Variants in ZDHHC2 observed in about 807,000 individuals in gnomAD.
The protein encoded by ZDHHC2 is zDHHC palmitoyltransferase 2.
Under a neutral mutation model 55.6 loss-of-function variants are expected in ZDHHC2, and 51 were observed. The ratio of observed to expected loss-of-function variants is 0.92; its 90% CI spans 0.73 to 1.16. The LOEUF (loss-of-function observed/expected upper bound fraction) is 1.16. ZDHHC2 is among the 50% of genes most tolerant of loss of function. The probability of loss-of-function intolerance (pLI) is 0.00; values close to 1 mark genes in which losing one functional copy is unlikely to be tolerated. For missense variants in ZDHHC2, 491 were observed against 442.4 expected (o/e 1.11, Z -0.99); for synonymous variants, 199 against 152.9 (o/e 1.30, Z -2.22).
At chr8:17,198,901 T>C (rs1345769638) in intron 6 of ZDHHC2, among the ~76,000 whole-genome samples, 1 of 152,214 alleles carries the variant, frequency 6.6e-6, no homozygotes, top group African/African-American at 2.4e-5. Context: ...CACATAGAAT[T>C]CATTAATATT....
At chr8:17,168,047 TACTGA>T (rs2150884598) in intron 1 of ZDHHC2, among the ~76,000 whole-genome samples, 1 of 152,328 alleles carries the variant, frequency 6.6e-6, no homozygotes, top group Non-Finnish European at 1.5e-5. Flanking sequence ...TCTTAGAGTA[TACTGA>T]ATATAATTTA....
rs1267721476 is a variant in ZDHHC2, at chr8:17,221,592, C to T, written c.*1371C>T. 1 of 152,304 alleles carries T rather than the reference C, an allele frequency of 6.6e-6. No homozygotes were observed. The highest frequency in any genetic ancestry group is 2.4e-5 in the African/African-American group (1 of 41,422). 9.4% of individuals were successfully genotyped at this position (152,304 alleles called of 1,614,324 possible). ...AATCTTTGTTAAACCAAACATTCAA[C>T]ACAAAATAAACTAGAAGGCCAGAGG... On this transcript the variant is annotated 3_prime_UTR_variant, in exon 13 of 13. Transcript: ENST00000262096.
At chr8:17,217,042 A>G (rs750562972) in intron 11 of ZDHHC2, 130 bp from the exon 12 acceptor site, 3 of 767,350 alleles carry the variant, frequency 3.9e-6, no homozygotes, top group Non-Finnish European at 6.5e-6. Context: ...ACCATCTTAT[A>G]TATACCCTTA....
intron 12 of ZDHHC2, among the ~76,000 whole-genome samples, 162 bp from the exon 13 acceptor site, chr8:17,220,094 T>G (rs1585751613): frequency 6.6e-6 from 1 of 152,138 alleles, no homozygotes; most frequent in South Asian, 2.1e-4. Flanking sequence ...TTGAGCAGTA[T>G]TGATGTAGAG....
chr8:17,210,143 T>C (rs1289047368), intron 9 of ZDHHC2, 85 bp downstream of exon 9: 1 of 1,422,542 alleles, frequency 7.0e-7, no homozygotes, highest in Non-Finnish European at 9.4e-7. Flanking sequence ...TCTAGTTCCA[T>C]AGGCTTGTAA....
intron 8 of ZDHHC2, among the ~76,000 whole-genome samples, chr8:17,208,823 A>G (rs1173591208): frequency 6.6e-6 from 1 of 152,190 alleles, no homozygotes; most frequent in African/African-American, 2.4e-5. Context: ...TATTGTTTCT[A>G]GAGGTTTTTA....
At chr8:17,178,671 G>C (rs530570157) in intron 1 of ZDHHC2, among the ~76,000 whole-genome samples, 7 of 152,134 alleles carry the variant, frequency 4.6e-5, no homozygotes, top group Admixed American at 3.3e-4. Context: ...ATGATTGCTT[G>C]GTAGTTCAGT....
chr8:17,207,170 A>G (rs1352509639), intron 7 of ZDHHC2, among the ~76,000 whole-genome samples: 7 of 152,212 alleles, frequency 4.6e-5, no homozygotes, highest in African/African-American at 1.7e-4. Flanking sequence ...TCATTTGGTC[A>G]GGGACGACAG....
intron 1 of ZDHHC2, among the ~76,000 whole-genome samples, chr8:17,160,290 A>G (rs1177775999): frequency 6.6e-6 from 1 of 152,028 alleles, no homozygotes; most frequent in Non-Finnish European, 1.5e-5. Context: ...TTCAGTTCCC[A>G]TTTTTCTTAA....
chr8:17,219,666 T>C (rs1448541522), intron 12 of ZDHHC2, among the ~76,000 whole-genome samples: 5 of 152,098 alleles, frequency 3.3e-5, no homozygotes, highest in Admixed American at 6.6e-5. Flanking sequence ...CTCCAGAGGC[T>C]GAGGTGGGAG....
intron 10 of ZDHHC2, 51 bp downstream of exon 10, chr8:17,210,531 A>G (rs1807326683): frequency 1.4e-6 from 2 of 1,477,422 alleles, no homozygotes; most frequent in Non-Finnish European, 1.8e-6. Flanking sequence ...ATTTTACCAT[A>G]TTGTGTCTTT....
intron 1 of ZDHHC2, among the ~76,000 whole-genome samples, chr8:17,159,184 A>C (rs1728585114): frequency 6.6e-6 from 1 of 152,168 alleles, no homozygotes; most frequent in Non-Finnish European, 1.5e-5. Flanking sequence ...TTTCACAGAC[A>C]AAGCAAATGG....
chr8:17,208,582 C>G (rs888992265), intron 8 of ZDHHC2, among the ~76,000 whole-genome samples: 1 of 151,996 alleles, frequency 6.6e-6, no homozygotes, highest in Non-Finnish European at 1.5e-5. Context: ...AAAGGACACT[C>G]CAAGCTGTGA....
At chr8:17,200,304 C>T (rs550285173) in intron 6 of ZDHHC2, among the ~76,000 whole-genome samples, 1 of 152,346 alleles carries the variant, frequency 6.6e-6, no homozygotes, top group Non-Finnish European at 1.5e-5. Flanking sequence ...GCATTCATAC[C>T]TCCAGGGGCA....
At chr8:17,197,534 T>A in intron 4 of ZDHHC2, 48 bp from the exon 5 acceptor site, 1 of 1,486,346 alleles carries the variant, frequency 6.7e-7, no homozygotes. Context: ...TAATTGTATT[T>A]TCAATTCAGT....
chr8:17,202,769 A>G (rs890427797), intron 6 of ZDHHC2, among the ~76,000 whole-genome samples: 5 of 151,762 alleles, frequency 3.3e-5, no homozygotes, highest in African/African-American at 9.7e-5. Flanking sequence ...ACATGCACAT[A>G]CATACACACA....
At chr8:17,161,184 G>C (rs1161368620) in intron 1 of ZDHHC2, among the ~76,000 whole-genome samples, 1 of 152,208 alleles carries the variant, frequency 6.6e-6, no homozygotes, top group East Asian at 1.9e-4. Flanking sequence ...GGCCACTGCA[G>C]GCTCAAGGAT....
chr8:17,188,421 G>T (rs1320343889), intron 3 of ZDHHC2, among the ~76,000 whole-genome samples: 1 of 152,140 alleles, frequency 6.6e-6, no homozygotes, highest in African/African-American at 2.4e-5. Context: ...TACTCTAGTA[G>T]TTCTTAACTA....
At chr8:17,218,180 A>T (rs935121584) in intron 12 of ZDHHC2, among the ~76,000 whole-genome samples, 1 of 152,216 alleles carries the variant, frequency 6.6e-6, no homozygotes, top group African/African-American at 2.4e-5. Flanking sequence ...CTGTTGCTAC[A>T]GTAGGTCAGA....
Sources: gnomAD v4.1 joint callset for allele counts (sites outside exome capture counted in the v4.1 genomes callset) on GRCh38, gnomAD v4.1.1 for gene constraint, MANE v1.5 for transcripts, NCBI Gene and HGNC (gene_info 2026-07-23, HGNC 2026-07-21) for gene names.